The following PIEZO2 variants were observed in gnomAD, a reference collection of about 807,000 sequenced individuals.
PIEZO2 encodes piezo type mechanosensitive ion channel component 2, also known as piezo-type mechanosensitive ion channel component 2.
PIEZO2 carries 172 observed loss-of-function variants against 337.3 expected under a neutral mutation model. That is an observed-to-expected ratio of 0.51 (90% CI 0.45 to 0.58). The LOEUF is 0.58. PIEZO2 is among the 20% of genes least tolerant of loss of function. The pLI, the probability that PIEZO2 is intolerant of heterozygous loss-of-function variation, is 0.00. For missense variants in PIEZO2, 3,028 were observed against 3,391.3 expected (o/e 0.89, Z 2.66); for synonymous variants, 1,251 against 1,228.5 (o/e 1.02, Z -0.38).
rs1027584044 is a variant in PIEZO2 at position 11,148,271 on chromosome 18, G to T, written c.64+254C>A. Among the ~76,000 whole-genome samples, 24 of 152,284 alleles carry T rather than the reference G, an allele frequency of 1.6e-4. No homozygotes were observed. The highest frequency in any genetic ancestry group is 1.3e-4 in the Admixed American group (2 of 15,304). On this transcript the variant is annotated intron_variant, in intron 1 of 55. Transcript: ENST00000674853. The surrounding 1 kb of genome is among the most constrained non-coding windows in gnomAD (Gnocchi z 5.2). ...GTACTCCACGAAAGAAAATCCACGT[G>T]TAACTAAATTCAACATAAACAGTTT...
intron 37 of PIEZO2, among the ~76,000 whole-genome samples, chr18:10,717,562 G>A (rs911274554): frequency 3.9e-5 from 6 of 152,254 alleles, no homozygotes; most frequent in South Asian, 2.1e-4. Flanking sequence ...AGAGAGCATC[G>A]AGTTCATTTC....
intron 3 of PIEZO2, among the ~76,000 whole-genome samples, chr18:10,912,750 C>T (rs769207089): frequency 9.2e-5 from 14 of 152,170 alleles, no homozygotes; most frequent in Non-Finnish European, 1.8e-4. Flanking sequence ...CTGAACTAGT[C>T]CCAAGAGATC....
rs554452810 is a variant in PIEZO2 at position 10,987,521 on chromosome 18, A to T, written c.161-7861T>A. ...TGGATTACCATGTACAAAATAATAAAATTGGTCCCTTATCTTACACCATAT... is the reference window on the plus strand; with the variant it reads ...TGGATTACCATGTACAAAATAATAATATTGGTCCCTTATCTTACACCATAT... On this transcript the variant is annotated intron_variant, in intron 2 of 55. Coordinates refer to ENST00000674853, the MANE Select transcript of PIEZO2 (RefSeq NM_001378183.1). Among the ~76,000 whole-genome samples the T allele has an allele frequency of 3.9e-5, 6 of 151,960 alleles. No homozygotes were observed. In the South Asian group the frequency reaches 1.2e-3, roughly 31 times the overall value.
intron 49 of PIEZO2, among the ~76,000 whole-genome samples, chr18:10,687,184 G>T (rs2143578418): frequency 6.6e-6 from 1 of 152,252 alleles, no homozygotes; most frequent in Non-Finnish European, 1.5e-5. Context: ...TTGTTACATA[G>T]TTAAAAGTGT....
intron 4 of PIEZO2, among the ~76,000 whole-genome samples, chr18:10,873,717 C>T (rs562991172): frequency 6.6e-6 from 1 of 152,076 alleles, no homozygotes; most frequent in Non-Finnish European, 1.5e-5. Flanking sequence ...AAAGAGTCTT[C>T]TAATCTAGGA....
rs371746754 is a variant in PIEZO2, at chr18:10,822,829, G to C, written c.918-15555C>G. ...ACCAAAAGACAGCCAACAAACAGAA[G>C]TCTGCTACTGTGGATTAAACTAACT... is the stretch of plus-strand genomic sequence containing the variant. On this transcript the variant is annotated intron_variant, in intron 7 of 55. Coordinates refer to ENST00000674853, the MANE Select transcript of PIEZO2 (RefSeq NM_001378183.1). 7.9e-5 allele frequency among the ~76,000 whole-genome samples: 12 copies of C among 152,320 alleles called. No homozygotes were observed. In the South Asian group the frequency reaches 2.3e-3, roughly 29 times the overall value.
At chr18:10,946,314 C>T (rs1472258086) in intron 3 of PIEZO2, among the ~76,000 whole-genome samples, 1 of 152,138 alleles carries the variant, frequency 6.6e-6, no homozygotes, top group Non-Finnish European at 1.5e-5. Context: ...AGTGGAGCAA[C>T]ATTTTAAAAA....
chr18:10,794,901 G>C lies in PIEZO2; in HGVS notation c.1629C>G (p.Ser543Arg). The C allele has an allele frequency of 6.5e-7, 1 of 1,540,738 alleles. No homozygotes were observed. The highest frequency in any genetic ancestry group is 1.2e-5 in the South Asian group (1 of 84,062). The change falls in exon 13 of 56, where the codon AGC becomes AGG. Residue 543 changes from serine to arginine, a missense_variant. Around this residue, in one of 5 missense-constraint regions of PIEZO2, gnomAD observed 50 missense variants for 88.2 expected, o/e 0.57. Coordinates refer to ENST00000674853, the MANE Select transcript of PIEZO2 (RefSeq NM_001378183.1). This position sits in a 1 kb window ranked among gnomAD's most constrained non-coding sequence, Gnocchi z 6.6. The part of the protein sequence containing the change: ...IRNRRKYAMI[S>R]SPFMVVYGNL... ...TTCCATAAACCACCATGAAGGGAGAGCTGATCATGGCATATTTTCTTCTGT... is the reference window on the plus strand; with the variant it reads ...TTCCATAAACCACCATGAAGGGAGACCTGATCATGGCATATTTTCTTCTGT...
chr18:10,845,300 C>G (rs1261665816), intron 7 of PIEZO2, among the ~76,000 whole-genome samples: 1 of 151,766 alleles, frequency 6.6e-6, no homozygotes, highest in Non-Finnish European at 1.5e-5. Context: ...TTAAATAATA[C>G]TAATTTTTTC....
At chr18:10,926,351 A>T (rs138488069) in intron 3 of PIEZO2, among the ~76,000 whole-genome samples, 2 of 152,358 alleles carry the variant, frequency 1.3e-5, no homozygotes, top group African/African-American at 4.8e-5. Flanking sequence ...AAATACTACA[A>T]TCCAGATCTT....
At chr18:11,074,138 G>A (rs1410402098) in intron 1 of PIEZO2, among the ~76,000 whole-genome samples, 1 of 152,118 alleles carries the variant, frequency 6.6e-6, no homozygotes, top group African/African-American at 2.4e-5. Context: ...GAGCCACGGT[G>A]CCCAGCCAAT....
At chr18:11,093,298 GTCTA>G (rs537028037) in intron 1 of PIEZO2, among the ~76,000 whole-genome samples, 10 of 152,270 alleles carry the variant, frequency 6.6e-5, no homozygotes, top group Admixed American at 1.3e-4. Context: ...GGCAAACCCT[GTCTA>G]TCTAACAGGA....
At chr18:10,914,776 C>T (rs986752885) in intron 3 of PIEZO2, among the ~76,000 whole-genome samples, 7 of 151,990 alleles carry the variant, frequency 4.6e-5, no homozygotes, top group African/African-American at 1.7e-4. Context: ...ATCCAGTATC[C>T]GGTCAACAGA....
chr18:11,036,491 C>T (rs1252856508), intron 2 of PIEZO2, among the ~76,000 whole-genome samples: 4 of 151,988 alleles, frequency 2.6e-5, no homozygotes, highest in African/African-American at 4.8e-5. Flanking sequence ...TATCTTTATT[C>T]GTATGCTGTG....
rs1413124842 is a variant in PIEZO2, at chr18:10,794,762, A to G, written c.1758+10T>C. 6.7e-7 allele frequency: 1 copy of G among 1,495,904 alleles called. No homozygotes were observed. The highest frequency in any genetic ancestry group is 9.0e-7 in the Non-Finnish European group (1 of 1,113,880). The allele number at this position is 1,495,904 out of a possible 1,614,324, so 92.7% of individuals were successfully genotyped here. On this transcript the variant is annotated intron_variant, in intron 13 of 55. Transcript: ENST00000674853. The surrounding 1 kb of genome is among the most constrained non-coding windows in gnomAD (Gnocchi z 6.6). ...TCATTGTTTTGTTTTATTGTATTCT[A>G]TTCACTTACTTTGGAAGCAAGTTCT... is the stretch of plus-strand genomic sequence containing the variant.
At position 10,943,919 on chromosome 18, in the gene PIEZO2, T is replaced by C. The variant is rs1216357809; in HGVS notation, c.287-32691A>G. ...TCTGATGGCTTTAAAAATGGGAGTT[T>C]CTCTGAACAAGCTCTCTCTTTGCCT... On this transcript the variant is annotated intron_variant, in intron 3 of 55. Transcript: ENST00000674853. This position sits in a 1 kb window ranked among gnomAD's most constrained non-coding sequence, Gnocchi z 4.5. Among the ~76,000 whole-genome samples, 1 of 152,146 alleles carries C rather than the reference T, an allele frequency of 6.6e-6. No individual in the cohort carries two copies. Among genetic ancestry groups the C allele is most frequent in the Non-Finnish European group, 1.5e-5 (1 of 68,028 alleles).
At chr18:10,964,865 G>A (rs1427516977) in intron 3 of PIEZO2, among the ~76,000 whole-genome samples, 1 of 152,178 alleles carries the variant, frequency 6.6e-6, no homozygotes, top group African/African-American at 2.4e-5. Flanking sequence ...TGTGAACTTG[G>A]TGTCTGGCTC....
At position 11,003,752 on chromosome 18, in the gene PIEZO2, G is replaced by A. The variant is rs535051409; in HGVS notation, c.161-24092C>T. On this transcript the variant is annotated intron_variant, in intron 2 of 55. Coordinates refer to ENST00000674853, the MANE Select transcript of PIEZO2 (RefSeq NM_001378183.1). The surrounding 1 kb of genome is among the most constrained non-coding windows in gnomAD (Gnocchi z 4.6). The stretch of plus-strand genomic sequence containing the variant: ...ACATGTCCAGCTCTGGGACGTGGGA[G>A]GAAACCAGAGTACCTAGAAAAATCC... Among the ~76,000 whole-genome samples, 12 of 152,238 alleles carry A rather than the reference G, an allele frequency of 7.9e-5. No individual in the cohort carries two copies. The highest frequency in any genetic ancestry group is 5.9e-4 in the Admixed American group (9 of 15,294).
At chr18:10,981,140 G>GTA (rs952317841) in intron 2 of PIEZO2, among the ~76,000 whole-genome samples, 133 of 151,726 alleles carry the variant, frequency 8.8e-4, no homozygotes, top group African/African-American at 2.8e-3. Flanking sequence ...AACATTAATC[G>GTA]TATATATATA....
Sources: allele counts gnomAD v4.1 joint callset (sites outside exome capture counted in the v4.1 genomes callset), GRCh38; gene constraint gnomAD v4.1.1; regional missense constraint gnomAD v4.1.1; non-coding constraint Gnocchi (gnomAD v3.1); transcripts MANE v1.5; gene names NCBI Gene and HGNC (gene_info 2026-07-23, HGNC 2026-07-21).